The following AIFM3 variants were observed in gnomAD, a reference collection of about 807,000 sequenced individuals.
AIFM3 encodes apoptosis-inducing factor 3.
A neutral mutation model predicts 82.7 loss-of-function variants in AIFM3; 71 were observed. The ratio of observed to expected loss-of-function variants is 0.86; its 90% CI spans 0.71 to 1.05. The LOEUF is 1.05. Among genes scored for constraint, AIFM3 ranks in the 50% least tolerant of loss-of-function variants. The probability of loss-of-function intolerance (pLI) is 0.00; values close to 1 mark genes in which losing one functional copy is unlikely to be tolerated. For synonymous variants in AIFM3, 337 were observed against 329.1 expected (o/e 1.02, Z -0.26); for missense variants, 748 against 816.7 (o/e 0.92, Z 1.03).
chr22:20,977,787 T>A lies in AIFM3; in HGVS notation c.1359+11T>A. The stretch of plus-strand genomic sequence containing the variant: ...ATCCCTGTCAACAAGGTGGGGTGGA[T>A]GGCACTGGGTGGGGAGGACCCGGTG... On this transcript the variant is annotated intron_variant, in intron 15 of 20. Transcript: ENST00000440238. 6.2e-7 allele frequency: 1 copy of A among 1,614,106 alleles called. No homozygotes were observed. The highest frequency in any genetic ancestry group is 1.3e-5 in the African/African-American group (1 of 75,034).
Position 20,979,554 on chromosome 22 carries a change from T to G in AIFM3, c.1577-73T>G. 1.9e-6 allele frequency: 3 copies of G among 1,575,532 alleles called. No homozygotes were observed. In the South Asian group the frequency reaches 3.3e-5, roughly 18 times the overall value. The stretch of plus-strand genomic sequence containing the variant: ...GTATGGAGCAGGGCCTGGGCGGGGT[T>G]AGGAGGGGATCCTGTGACGTCTCGT... On this transcript the variant is annotated intron_variant, in intron 17 of 20. Coordinates refer to ENST00000440238, the MANE Select transcript of AIFM3 (RefSeq NM_001386814.1).
rs775234120 is a variant in AIFM3, at chr22:20,976,684, C to T, written c.1064C>T (p.Ala355Val). ...MEVAAYLTEKAHSVSVVELEE... is the reference protein window; with the variant it reads ...MEVAAYLTEKVHSVSVVELEE... ...GTGGCCGCTTACCTGACGGAGAAGG[C>T]CCACTCTGTGTCTGTGGTGGAGCTG... The change falls in exon 12 of 21, where the codon GCC (alanine) becomes GTC (valine). Residue 355 changes from alanine (A) to valine (V), a missense_variant. By Grantham distance (64) the Ala-to-Val change is moderately conservative. Transcript: ENST00000440238. 6.2e-6 allele frequency: 10 copies of T among 1,609,414 alleles called. No individual in the cohort carries two copies. Among genetic ancestry groups the T allele is most frequent in the Admixed American group, 3.4e-5 (2 of 59,152 alleles).
chr22:20,975,597 G>C (rs1315231771), intron 8 of AIFM3, 95 bp from the exon 9 acceptor site: 1 of 1,212,082 alleles, frequency 8.3e-7, no homozygotes, highest in Admixed American at 1.7e-5. Context: ...GTTCTGTCCT[G>C]CAGCCCCTAT....
intron 2 of AIFM3, among the ~76,000 whole-genome samples, chr22:20,971,037 C>T (rs189135970): frequency 3.3e-5 from 5 of 152,318 alleles, no homozygotes; most frequent in African/African-American, 9.6e-5. Flanking sequence ...CTCTACCTTT[C>T]CAAAGGGCCC....
chr22:20,977,469 T>A (rs1923762755), intron 14 of AIFM3: 1 of 616,148 alleles, frequency 1.6e-6, no homozygotes, highest in East Asian at 2.8e-5. Flanking sequence ...GTCCCTCCAC[T>A]TAAGGGCCTC....
chr22:20,973,409 C>A lies in AIFM3; in HGVS notation c.134C>A (p.Thr45Lys). The change falls in exon 3 of 21, where the codon ACG becomes AAG. Residue 45 changes from threonine to lysine, a missense_variant. Thr to Lys is a moderately conservative substitution (Grantham distance 78). Coordinates refer to ENST00000440238, the MANE Select transcript of AIFM3 (RefSeq NM_001386814.1). Reference protein sequence around the residue: ...GSPRAYQGNGTARHFHTEERL... With the variant: ...GSPRAYQGNGKARHFHTEERL... The stretch of plus-strand genomic sequence containing the variant: ...CCCCGGGCCTACCAGGGCAATGGCA[C>A]GGCCCGCCACTTCCACACGGAGGAG... The A allele has an allele frequency of 1.2e-6, 2 of 1,611,460 alleles. No homozygotes were observed. The highest frequency in any genetic ancestry group is 2.2e-5 in the South Asian group (2 of 90,858).
At chr22:20,978,060 T>G in intron 16 of AIFM3, 55 bp downstream of exon 16, 1 of 1,546,296 alleles carries the variant, frequency 6.5e-7, no homozygotes, top group Non-Finnish European at 8.9e-7. Flanking sequence ...AGGGTCTCAG[T>G]GTCCCCATGC....
chr22:20,970,039 C>G (rs541162292), intron 2 of AIFM3, among the ~76,000 whole-genome samples: 1 of 152,178 alleles, frequency 6.6e-6, no homozygotes, highest in East Asian at 1.9e-4. Flanking sequence ...AGGTATCAGA[C>G]CAGTCCCTCA....
rs1180872271 is a variant in AIFM3 at position 20,979,467 on chromosome 22, C to A, written c.1576+98C>A. 9.5e-6 allele frequency: 14 copies of A among 1,474,088 alleles called. No homozygotes were observed. In the African/African-American group the frequency reaches 1.8e-4, roughly 19 times the overall value. The allele number at this position is 1,474,088 out of a possible 1,614,324, so 91.3% of individuals were successfully genotyped here. A position where few individuals can be genotyped will look rare whatever the true frequency, so the allele number is the denominator to read the frequency against. ...GGGAGCCTAGGGGCAGGGCTATGACCGCACTAGGAAGAGGCCGGTAAGAAC... is the reference window on the plus strand; with the variant it reads ...GGGAGCCTAGGGGCAGGGCTATGACAGCACTAGGAAGAGGCCGGTAAGAAC... On this transcript the variant is annotated intron_variant, in intron 17 of 20. Coordinates refer to ENST00000440238, the MANE Select transcript of AIFM3 (RefSeq NM_001386814.1).
intron 2 of AIFM3, among the ~76,000 whole-genome samples, chr22:20,971,878 A>G (rs1601701637): frequency 6.6e-6 from 1 of 152,186 alleles, no homozygotes; most frequent in African/African-American, 2.4e-5. Context: ...GTGCAAAAGT[A>G]TAAAGAAGAA....
intron 8 of AIFM3, among the ~76,000 whole-genome samples, chr22:20,975,408 G>A (rs1351139245): frequency 2.0e-5 from 3 of 152,024 alleles, no homozygotes; most frequent in East Asian, 1.9e-4. Context: ...TAGGACTACA[G>A]GCGCGCACCA....
At chr22:20,975,953 G>T (rs541914067) in intron 9 of AIFM3, among the ~76,000 whole-genome samples, 175 bp downstream of exon 9, 1 of 152,372 alleles carries the variant, frequency 6.6e-6, no homozygotes, top group African/African-American at 2.4e-5. Flanking sequence ...TGGGTCATAG[G>T]CACACACAGA....
At chr22:20,978,442 A>C (rs541572048) in intron 16 of AIFM3, among the ~76,000 whole-genome samples, 7 of 151,906 alleles carry the variant, frequency 4.6e-5, no homozygotes, top group Non-Finnish European at 1.0e-4. Flanking sequence ...GGCTCAGTGG[A>C]GGCACTGTGC....
intron 2 of AIFM3, among the ~76,000 whole-genome samples, chr22:20,969,492 T>C (rs1017765511): frequency 6.6e-6 from 1 of 152,064 alleles, no homozygotes; most frequent in African/African-American, 2.4e-5. Flanking sequence ...TGCAGTGGCG[T>C]GATCTCGGCT....
upstream of AIFM3, among the ~76,000 whole-genome samples, chr22:20,966,061 C>T (rs1922870329): frequency 1.3e-5 from 2 of 152,152 alleles, no homozygotes; most frequent in African/African-American, 4.8e-5. Context: ...CACAGTAGGC[C>T]GAAGGCACAG....
chr22:20,976,289 G>A lies in AIFM3; in HGVS notation c.882G>A (p.Leu294=), dbSNP rs1221365547. Residue 294 remains leucine, a synonymous_variant, in exon 10 of 21, where the codon CTG becomes CTA. Coordinates refer to ENST00000440238, the MANE Select transcript of AIFM3 (RefSeq NM_001386814.1). ...TCAAGCTGGAGTACAGCAAGCTGCT[G>A]CTGGCACCAGGGAGCAGGTGGGAGG... The part of the protein sequence containing the change: ...DGFKLEYSKL[L]LAPGSSPKTL... 1 of 1,614,056 alleles carries A rather than the reference G, an allele frequency of 6.2e-7. No homozygotes were observed. Among genetic ancestry groups the A allele is most frequent in the Non-Finnish European group, 8.5e-7 (1 of 1,180,022 alleles).
chr22:20,973,463 G>A lies in AIFM3; in HGVS notation c.188G>A (p.Ser63Asn), dbSNP rs1180840196. The A allele has an allele frequency of 3.1e-6, 5 of 1,613,038 alleles. No individual in the cohort carries two copies. Among genetic ancestry groups the A allele is most frequent in the Non-Finnish European group, 3.4e-6 (4 of 1,179,998 alleles). The change falls in exon 3 of 21, where the codon AGC becomes AAC. Residue 63 changes from serine (S) to asparagine (N), a missense_variant. By Grantham distance (46) the Ser-to-Asn change is conservative. Coordinates refer to ENST00000440238, the MANE Select transcript of AIFM3 (RefSeq NM_001386814.1). ...CTGTCCACCCCTCACCCCTACCCCA[G>A]CCCTCAGGATTGCGTGGAGGCTGCT... ...ERLSTPHPYPSPQDCVEAAVC... is the reference protein window; with the variant it reads ...ERLSTPHPYPNPQDCVEAAVC...
chr22:20,975,802 A>G, intron 9 of AIFM3, 24 bp downstream of exon 9: 1 of 1,607,348 alleles, frequency 6.2e-7, no homozygotes. Context: ...GGTGGGAAAC[A>G]GGCCCGAGGA....
chr22:20,974,808 C>A lies in AIFM3; in HGVS notation c.712C>A (p.Leu238Ile), dbSNP rs771110770. Residue 238 changes from leucine (L) to isoleucine (I), a missense_variant, in exon 8 of 21, where the codon CTC (leucine) becomes ATC (isoleucine). Leu to Ile is a conservative substitution (Grantham distance 5). Transcript: ENST00000440238. ...DRHLPYDRPK[L>I]SKSLDTQPEQ... ...GCACCTTCCCTACGACCGTCCCAAG[C>A]TCAGCAAGGTACAGGGGGTGGGGCA... The A allele has an allele frequency of 6.2e-7, 1 of 1,612,436 alleles. No homozygotes were observed. Among genetic ancestry groups the A allele is most frequent in the Non-Finnish European group, 8.5e-7 (1 of 1,179,842 alleles).
Sources: allele counts gnomAD v4.1 joint callset (sites outside exome capture counted in the v4.1 genomes callset), GRCh38; gene constraint gnomAD v4.1.1; transcripts MANE v1.5; gene names NCBI Gene and HGNC (gene_info 2026-07-23, HGNC 2026-07-21).